The following SIL1 variants were observed in gnomAD, a reference collection of about 807,000 sequenced individuals.
SIL1 encodes the protein nucleotide exchange factor SIL1.
Under a neutral mutation model 49.1 loss-of-function variants are expected in SIL1, and 40 were observed. The observed-to-expected ratio is 0.81, with a 90% CI of 0.63 to 1.06. The LOEUF (loss-of-function observed/expected upper bound fraction) is 1.06, where lower values mean the gene tolerates loss of function less well. Ranked by LOEUF, SIL1 falls within the 50% of genes least tolerant of loss-of-function variation. SIL1 has a pLI of 0.00. For missense variants in SIL1, 500 were observed against 572.6 expected, an observed-to-expected ratio of 0.87 and a Z score of 1.29; for synonymous variants, 253 against 250.8, an observed-to-expected ratio of 1.01 and a Z score of -0.08.
At chr5:139,180,347 A>T (rs1751960344) in intron 1 of SIL1, among the ~76,000 whole-genome samples, 1 of 142,812 alleles carries the variant, frequency 7.0e-6, no homozygotes, top group South Asian at 2.3e-4. Flanking sequence ...CGCCATTGCA[A>T]TCCAGCCTGG....
chr5:139,142,897 T>C (rs979387392), intron 1 of SIL1, among the ~76,000 whole-genome samples: 32 of 152,076 alleles, frequency 2.1e-4, no homozygotes, highest in African/African-American at 7.0e-4. Flanking sequence ...GCCTCCTGAG[T>C]AGCTGGGACT....
intron 3 of SIL1, among the ~76,000 whole-genome samples, chr5:139,056,016 C>T (rs536112598): frequency 1.2e-4 from 18 of 151,764 alleles, no homozygotes; most frequent in East Asian, 1.2e-3. Context: ...GATCTCGGCT[C>T]GCTACAACCT....
At chr5:138,985,401 T>G (rs1767629911) in intron 7 of SIL1, among the ~76,000 whole-genome samples, 1 of 152,146 alleles carries the variant, frequency 6.6e-6, no homozygotes, top group South Asian at 2.1e-4. Context: ...CTGACTCCTG[T>G]GTAAATGAGC....
At chr5:138,960,004 A>G (rs573919212) in intron 7 of SIL1, among the ~76,000 whole-genome samples, 1 of 152,378 alleles carries the variant, frequency 6.6e-6, no homozygotes, top group African/African-American at 2.4e-5. Context: ...AAATATTGTC[A>G]GGAGGCAAAA....
intron 1 of SIL1, among the ~76,000 whole-genome samples, chr5:139,143,336 C>CATATATAT (rs1462318169): frequency 9.2e-4 from 74 of 80,464 alleles, no homozygotes; most frequent in African/African-American, 1.9e-3. Context: ...CACACACACA[C>CATATATAT]ACACACACAT....
At chr5:139,102,498 AAAAG>A (rs1344721056) in intron 3 of SIL1, among the ~76,000 whole-genome samples, 1 of 63,448 alleles carries the variant, frequency 1.6e-5, no homozygotes, top group Non-Finnish European at 4.3e-5. Flanking sequence ...AAAAAAAAAA[AAAAG>A]AGAGAGAGAG....
rs149294923 is a variant in SIL1, at chr5:139,051,821, C to T, written c.245-775G>A. On this transcript the variant is annotated intron_variant, in intron 3 of 9. Coordinates refer to ENST00000394817, the MANE Select transcript of SIL1 (RefSeq NM_022464.5). Reference sequence around the variant, plus strand: ...CGATGGGCTATTCCTATGCACTGCACAAAACTACTCAAGTATAGTTAAAAA... The same window carrying T: ...CGATGGGCTATTCCTATGCACTGCATAAAACTACTCAAGTATAGTTAAAAA... Among the ~76,000 whole-genome samples the T allele has an allele frequency of 1.5e-3, 232 of 152,268 alleles. 1 individual carries two copies. The highest frequency in any genetic ancestry group is 2.8e-3 in the Non-Finnish European group (193 of 68,008).
chr5:139,001,867 G>A (rs1052942296), intron 7 of SIL1, among the ~76,000 whole-genome samples: 15 of 151,794 alleles, frequency 9.9e-5, no homozygotes, highest in Non-Finnish European at 2.2e-4. Flanking sequence ...TCGCGCCACT[G>A]CACTCCAGCC....
intron 3 of SIL1, among the ~76,000 whole-genome samples, chr5:139,114,373 T>C (rs1000880497): frequency 3.9e-5 from 6 of 152,208 alleles, no homozygotes; most frequent in Admixed American, 2.0e-4. Context: ...GAGATCTAAA[T>C]GATCCTCATG....
chr5:138,968,137 G>A (rs1767188106), intron 7 of SIL1, among the ~76,000 whole-genome samples: 1 of 152,126 alleles, frequency 6.6e-6, no homozygotes, highest in South Asian at 2.1e-4. Flanking sequence ...TGGGGCAGGT[G>A]AATGAGGAGG....
chr5:139,158,528 C>T (rs541362802), intron 1 of SIL1, among the ~76,000 whole-genome samples: 36 of 152,256 alleles, frequency 2.4e-4, no homozygotes, highest in South Asian at 2.1e-3. Flanking sequence ...TTTAGCAGTA[C>T]CTGAAGGGAG....
chr5:139,183,040 T>G (rs1281127059), intron 1 of SIL1, among the ~76,000 whole-genome samples: 6 of 152,192 alleles, frequency 3.9e-5, no homozygotes, highest in Non-Finnish European at 7.4e-5. Context: ...TCTTATGAAT[T>G]TCACATGCCT....
At chr5:138,991,232 G>C (rs114381283) in intron 7 of SIL1, among the ~76,000 whole-genome samples, 3,905 of 152,362 alleles carry the variant, frequency 0.026, 75 homozygotes, top group Non-Finnish European at 0.041. Flanking sequence ...TTTCCCAGCA[G>C]CCTGGCTGAA....
intron 7 of SIL1, among the ~76,000 whole-genome samples, chr5:138,987,529 G>A (rs1767671846): frequency 6.6e-6 from 1 of 152,222 alleles, no homozygotes; most frequent in African/African-American, 2.4e-5. Context: ...TCTTTTCAAT[G>A]TGTAGGACCT....
intron 7 of SIL1, among the ~76,000 whole-genome samples, chr5:138,956,053 C>T (rs1047878874): frequency 4.6e-5 from 7 of 152,212 alleles, no homozygotes; most frequent in Non-Finnish European, 8.8e-5. Flanking sequence ...ACCAGGACAC[C>T]AGAGGCACAG....
chr5:139,165,022 G>C (rs1304181397), intron 1 of SIL1, among the ~76,000 whole-genome samples: 1 of 152,166 alleles, frequency 6.6e-6, no homozygotes. Context: ...ATATTCTATA[G>C]AGAATCCCCT....
chr5:139,080,501 G>C (rs901700726), intron 3 of SIL1, among the ~76,000 whole-genome samples: 3 of 152,178 alleles, frequency 2.0e-5, no homozygotes, highest in African/African-American at 7.2e-5. Context: ...TTGCACTCTA[G>C]TACCAGCTTA....
Position 138,951,165 on chromosome 5 carries a change from A to G in SIL1, c.1029+6T>C, listed in dbSNP as rs57028146. On this transcript the variant is annotated splice_donor_region_variant and intron_variant, in intron 9 of 9. Coordinates refer to ENST00000394817, the MANE Select transcript of SIL1 (RefSeq NM_022464.5). Reference sequence around the variant, plus strand: ...AAGAGGAGACTGGGTGGGCCTGGGCACTCACCTTCTCCGTGACCAGGTCGT... The same window carrying G: ...AAGAGGAGACTGGGTGGGCCTGGGCGCTCACCTTCTCCGTGACCAGGTCGT... The G allele has an allele frequency of 4.4e-3, 7,026 of 1,610,568 alleles. 255 individuals are homozygous for G. In the African/African-American group the frequency reaches 0.081, roughly 19 times the overall value.
intron 3 of SIL1, among the ~76,000 whole-genome samples, chr5:139,065,896 CT>C (rs895038814): frequency 6.6e-6 from 1 of 152,234 alleles, no homozygotes; most frequent in African/African-American, 2.4e-5. Flanking sequence ...TACTTGTGGT[CT>C]GGATCACTTT....
Sources: gnomAD v4.1 joint callset for allele counts (sites outside exome capture counted in the v4.1 genomes callset) on GRCh38, gnomAD v4.1.1 for gene constraint, MANE v1.5 for transcripts, NCBI Gene and HGNC (gene_info 2026-07-23, HGNC 2026-07-21) for gene names.